Variants in COL5A1 observed in about 807,000 individuals in gnomAD.
COL5A1 encodes the protein collagen alpha-1(V) chain.
COL5A1 carries 16 observed loss-of-function variants against 263.7 expected under a neutral mutation model. That is an observed-to-expected ratio of 0.06 (90% CI 0.04 to 0.09). COL5A1 has a LOEUF of 0.09. Among genes scored for constraint, COL5A1 ranks in the 10% least tolerant of loss-of-function variants. The pLI is 1.00. For synonymous variants in COL5A1, 1,012 were observed against 1,004.5 expected (o/e 1.01, Z -0.14); for missense variants, 2,036 against 2,540.5 (o/e 0.80, Z 4.27).
rs2132642300 is a variant in COL5A1, at chr9:134,731,629, G to C, written c.1298G>C (p.Gly433Ala). The change falls in exon 8 of 66, where the codon GGA (glycine) becomes GCA (alanine). Residue 433 changes from glycine to alanine, a missense_variant. This residue lies in a region of COL5A1 where 600 missense variants were observed against 634.5 expected (regional missense o/e 0.95). Transcript: ENST00000371817. The part of the protein sequence containing the change: ...PTSSPSEIGP[G>A]MPANQDTIYE... The stretch of plus-strand genomic sequence containing the variant: ...AGCTCCCCGTCGGAGATCGGGCCGG[G>C]AATGCCGGCGAACCAGGATACCATC... 3 of 1,614,048 alleles carry C rather than the reference G, an allele frequency of 1.9e-6. No homozygotes were observed. Among genetic ancestry groups the C allele is most frequent in the Non-Finnish European group, 2.5e-6 (3 of 1,179,994 alleles).
At chr9:134,779,979 G>A in intron 27 of COL5A1, 123 bp from the exon 28 acceptor site, 1 of 1,065,716 alleles carries the variant, frequency 9.4e-7, no homozygotes, top group Admixed American at 1.7e-5. Context: ...GTGTGTTGAG[G>A]GCAGGGCGCT....
chr9:134,643,750 AGGGACTGTGCCATTGCCGG>A (rs1392627741), intron 1 of COL5A1, among the ~76,000 whole-genome samples: 1 of 152,184 alleles, frequency 6.6e-6, no homozygotes, highest in African/African-American at 2.4e-5. Flanking sequence ...AGGTGTGGTC[AGGGACTGTGCCATTGCCGG>A]GGGACTAGGC....
chr9:134,807,923 A>G (rs1220754374), intron 42 of COL5A1, among the ~76,000 whole-genome samples: 1 of 152,154 alleles, frequency 6.6e-6, no homozygotes, highest in African/African-American at 2.4e-5. Flanking sequence ...GAGTTGCTCT[A>G]TCCAGGCAGA....
Position 134,769,031 on chromosome 9 carries a change from G to T in COL5A1, c.2286+568G>T, listed in dbSNP as rs184512135. 2.2e-3 allele frequency among the ~76,000 whole-genome samples: 329 copies of T among 152,314 alleles called. 1 individual carries two copies. The highest frequency in any genetic ancestry group is 7.3e-3 in the Admixed American group (112 of 15,310). On this transcript the variant is annotated intron_variant, in intron 25 of 65. Coordinates refer to ENST00000371817, the MANE Select transcript of COL5A1 (RefSeq NM_000093.5). ...TCAGAATGCGTGCGTGCGTGCACAC[G>T]TGCGTGTACATGAGTGTGAGCTGAT...
Position 134,696,050 on chromosome 9 carries a change from A to C in COL5A1, c.278-3859A>C. Among the ~76,000 whole-genome samples, 1 of 152,124 alleles carries C rather than the reference A, an allele frequency of 6.6e-6. No homozygotes were observed. On this transcript the variant is annotated intron_variant, in intron 2 of 65. Coordinates refer to ENST00000371817, the MANE Select transcript of COL5A1 (RefSeq NM_000093.5). This position sits in a 1 kb window ranked among gnomAD's most constrained non-coding sequence, Gnocchi z 4.3. ...CTCCTGGGCTGCCAGGGTCCAGCTG[A>C]AACCTCAGCCGCCCCCCAGGTTCCT... is the stretch of plus-strand genomic sequence containing the variant.
rs1833562954 is a variant in COL5A1 at position 134,698,512 on chromosome 9, C to G, written c.278-1397C>G. Among the ~76,000 whole-genome samples the G allele has an allele frequency of 1.3e-5, 2 of 152,224 alleles. 1 individual carries two copies. Among genetic ancestry groups the G allele is most frequent in the South Asian group, 4.1e-4 (2 of 4,828 alleles). On this transcript the variant is annotated intron_variant, in intron 2 of 65. Transcript: ENST00000371817. ...AGAACCTCAGGAGATCTCCCTGCAGCACCTTACAGAGGATGCAGAGGCTGT... is the reference window on the plus strand; with the variant it reads ...AGAACCTCAGGAGATCTCCCTGCAGGACCTTACAGAGGATGCAGAGGCTGT...
chr9:134,642,234 G>A lies in COL5A1; in HGVS notation c.47G>A (p.Gly16Asp), dbSNP rs1318617654. ...AAAGCGCGCAGCGCGCTCCGCCCGG[G>A]CGCCCCGCTGCTGCCCCCGCTGCTG... ...RWKARSALRP[G>D]APLLPPLLLL... Residue 16 changes from glycine to aspartate, a missense_variant, in exon 1 of 66, where the codon GGC (glycine) becomes GAC (aspartate). Transcript: ENST00000371817. This position sits in a 1 kb window ranked among gnomAD's most constrained non-coding sequence, Gnocchi z 4.5. The A allele has an allele frequency of 2.3e-6, 3 of 1,294,408 alleles. No homozygotes were observed. The highest frequency in any genetic ancestry group is 3.4e-5 in the East Asian group (1 of 29,172). 80.2% of individuals were successfully genotyped at this position (1,294,408 alleles called of 1,614,324 possible). A position where few individuals can be genotyped will look rare whatever the true frequency, so the allele number is the denominator to read the frequency against.
intron 35 of COL5A1, among the ~76,000 whole-genome samples, 161 bp from the exon 36 acceptor site, chr9:134,796,687 G>A (rs1385273821): frequency 1.3e-5 from 2 of 152,186 alleles, no homozygotes; most frequent in Non-Finnish European, 2.9e-5. Flanking sequence ...GCCCCCGAGG[G>A]TGAGGCAGGG....
Position 134,701,947 on chromosome 9 carries a change from G to A in COL5A1, c.654+614G>A, listed in dbSNP as rs115750558. Among the ~76,000 whole-genome samples the A allele has an allele frequency of 9.2e-3, 1,395 of 152,324 alleles. 22 individuals are homozygous for A. Among genetic ancestry groups the A allele is most frequent in the African/African-American group, 0.032 (1,326 of 41,576 alleles). On this transcript the variant is annotated intron_variant, in intron 4 of 65. Coordinates refer to ENST00000371817, the MANE Select transcript of COL5A1 (RefSeq NM_000093.5). Reference sequence around the variant, plus strand: ...ATAGGTTGGGGTTCTGCGTGAGAGAGCAGGAGAATGCCCCGTCCCACTGCC... The same window carrying A: ...ATAGGTTGGGGTTCTGCGTGAGAGAACAGGAGAATGCCCCGTCCCACTGCC...
At chr9:134,722,384 G>A (rs7854716) in intron 4 of COL5A1, among the ~76,000 whole-genome samples, 10 of 152,128 alleles carry the variant, frequency 6.6e-5, no homozygotes, top group Admixed American at 5.9e-4. Context: ...GGTCGTGCAG[G>A]TGTGCCTGGG....
At chr9:134,724,085 C>G (rs1834561150) in intron 4 of COL5A1, among the ~76,000 whole-genome samples, 1 of 152,116 alleles carries the variant, frequency 6.6e-6, no homozygotes, top group Non-Finnish European at 1.5e-5. Flanking sequence ...GCTGTGGCCT[C>G]TTCCCTGCCA....
intron 37 of COL5A1, among the ~76,000 whole-genome samples, chr9:134,800,477 G>A (rs932982491): frequency 2.6e-5 from 4 of 152,218 alleles, no homozygotes; most frequent in African/African-American, 9.6e-5. Flanking sequence ...GGGCACAGTG[G>A]CTCACGCCTG....
intron 28 of COL5A1, among the ~76,000 whole-genome samples, chr9:134,782,320 T>G (rs1315695929): frequency 6.6e-6 from 1 of 152,242 alleles, no homozygotes; most frequent in Non-Finnish European, 1.5e-5. Flanking sequence ...CTTCAGTGCT[T>G]CAGTGCTGAT....
intron 1 of COL5A1, among the ~76,000 whole-genome samples, chr9:134,676,501 G>A (rs1832687866): frequency 6.6e-6 from 1 of 152,186 alleles, no homozygotes; most frequent in Non-Finnish European, 1.5e-5. Flanking sequence ...TGGATGTCCT[G>A]GCACAGAGCA....
chr9:134,729,952 G>C (rs1834816866), intron 6 of COL5A1, among the ~76,000 whole-genome samples: 1 of 152,192 alleles, frequency 6.6e-6, no homozygotes, highest in Admixed American at 6.5e-5. Flanking sequence ...ACTGAGATAT[G>C]ATTCACCCTT....
At chr9:134,687,434 TCC>T (rs1564387947) in intron 1 of COL5A1, among the ~76,000 whole-genome samples, 1 of 151,658 alleles carries the variant, frequency 6.6e-6, no homozygotes, top group Non-Finnish European at 1.5e-5. Flanking sequence ...CATCCATCCA[TCC>T]ATCCATCCAT....
Position 134,817,790 on chromosome 9 carries a change from C to A in COL5A1, c.4189C>A (p.Pro1397Thr). ...TTGCTTCTTTCAGGGTCCCCCAGGC[C>A]CCGCAGGCCCCGAAGGCAGACAGGG... ...GPPGKRGPPG[P>T]AGPEGRQGEK... Residue 1397 changes from proline (P) to threonine (T), a missense_variant, in exon 54 of 66, where the codon CCC (proline) becomes ACC (threonine). Pro to Thr is a conservative substitution (Grantham distance 38). Transcript: ENST00000371817. 1 of 1,612,230 alleles carries A rather than the reference C, an allele frequency of 6.2e-7. No homozygotes were observed. The highest frequency in any genetic ancestry group is 2.2e-5 in the East Asian group (1 of 44,812).
chr9:134,767,131 G>A (rs1273360872), intron 23 of COL5A1, 78 bp downstream of exon 23: 1 of 1,534,470 alleles, frequency 6.5e-7, no homozygotes, highest in Non-Finnish European at 9.0e-7. Flanking sequence ...GCCCTGGGAG[G>A]AAGCGGGGAG....
At chr9:134,781,402 C>T (rs3128620) in intron 28 of COL5A1, among the ~76,000 whole-genome samples, 118,915 of 152,260 alleles carry the variant, frequency 0.78, 46,903 homozygotes, top group Admixed American at 0.86. Context: ...TGGAGCCCGT[C>T]GGGGCTTCGG....
Sources: gnomAD v4.1 joint callset for allele counts (sites outside exome capture counted in the v4.1 genomes callset) on GRCh38, gnomAD v4.1.1 for gene constraint, gnomAD v4.1.1 regional missense constraint, Gnocchi (gnomAD v3.1) non-coding constraint, MANE v1.5 for transcripts, NCBI Gene and HGNC (gene_info 2026-07-23, HGNC 2026-07-21) for gene names.